The following GIMAP1 variants were observed in gnomAD, a reference collection of about 807,000 sequenced individuals.
GIMAP1 encodes GTPase, IMAP family member 1, also known as GTPase IMAP family member 1.
For synonymous variants in GIMAP1, 230 were observed against 187.7 expected (o/e 1.23, Z -1.84); for missense variants, 423 against 411.9 (o/e 1.03, Z -0.23).
At position 150,722,989 on chromosome 7, in the gene GIMAP1, C is replaced by A. The variant is rs370429154; in HGVS notation, c.*2064C>A. The A allele has an allele frequency of 1.3e-5, 2 of 152,164 alleles. No homozygotes were observed. The highest frequency in any genetic ancestry group is 4.8e-5 in the African/African-American group (2 of 41,410). The allele number at this position is 152,164 out of a possible 1,614,324, so 9.4% of individuals were successfully genotyped here. A position where few individuals can be genotyped will look rare whatever the true frequency, so the allele number is the denominator to read the frequency against. On this transcript the variant is annotated 3_prime_UTR_variant, in exon 3 of 3. Transcript: ENST00000307194. Reference sequence around the variant, plus strand: ...GTGTGGTCTGGAGCCCAATCCCCACCTCCAGAGTCTAGTCCTGCCTCCTAC... The same window carrying A: ...GTGTGGTCTGGAGCCCAATCCCCACATCCAGAGTCTAGTCCTGCCTCCTAC...
In GIMAP1 at chr7:150,721,162, A is replaced by T. The variant is rs1797298183; in HGVS notation, c.*237A>T. 2.5e-6 allele frequency: 1 copy of T among 401,032 alleles called. No individual in the cohort carries two copies. The highest frequency in any genetic ancestry group is 9.8e-5 in the South Asian group (1 of 10,232). 24.8% of individuals were successfully genotyped at this position (401,032 alleles called of 1,614,324 possible). A position where few individuals can be genotyped will look rare whatever the true frequency, so the allele number is the denominator to read the frequency against. On this transcript the variant is annotated 3_prime_UTR_variant, in exon 3 of 3. Coordinates refer to ENST00000307194, the MANE Select transcript of GIMAP1 (RefSeq NM_130759.4). ...AGTTTTAAAATAAATTCGTCTAACA[A>T]TAACTTCCTTTGGTAGTTTTGGTAG...
intron 1 of GIMAP1, among the ~76,000 whole-genome samples, chr7:150,716,892 C>T (rs976196503): frequency 2.6e-5 from 4 of 152,074 alleles, no homozygotes; most frequent in Non-Finnish European, 5.9e-5. Context: ...TCTTCTCCAG[C>T]TCTGGAGCAC....
At position 150,723,771 on chromosome 7, in the gene GIMAP1, T is replaced by G. The variant is rs756157267; in HGVS notation, c.*2846T>G. The G allele has an allele frequency of 6.6e-6, 1 of 152,168 alleles. No homozygotes were observed. The highest frequency in any genetic ancestry group is 1.5e-5 in the Non-Finnish European group (1 of 68,012). The allele number at this position is 152,168 out of a possible 1,614,324, so 9.4% of individuals were successfully genotyped here. A position where few individuals can be genotyped will look rare whatever the true frequency, so the allele number is the denominator to read the frequency against. ...CACAGTAAAAATACTGTCCAATACC[T>G]CAAAAATTGTGTAAATATATATCCA... On this transcript the variant is annotated 3_prime_UTR_variant, in exon 3 of 3. Coordinates refer to ENST00000307194, the MANE Select transcript of GIMAP1 (RefSeq NM_130759.4).
In GIMAP1 at chr7:150,723,850, G is replaced by A. The variant is rs563621038; in HGVS notation, c.*2925G>A. The A allele has an allele frequency of 3.3e-5, 5 of 152,228 alleles. No individual in the cohort carries two copies. Among genetic ancestry groups the A allele is most frequent in the East Asian group, 1.9e-4 (1 of 5,186 alleles). 9.4% of individuals were successfully genotyped at this position (152,228 alleles called of 1,614,324 possible). On this transcript the variant is annotated 3_prime_UTR_variant, in exon 3 of 3. Coordinates refer to ENST00000307194, the MANE Select transcript of GIMAP1 (RefSeq NM_130759.4). ...CTTTTATCTCTTGGAAGATAAAAAT[G>A]TATGGGTCCTGTGCTGATAATGTTT...
At chr7:150,718,021 G>T (rs1182273850) in intron 1 of GIMAP1, among the ~76,000 whole-genome samples, 7 of 152,126 alleles carry the variant, frequency 4.6e-5, no homozygotes, top group African/African-American at 1.7e-4. Context: ...GACACAACAA[G>T]TTTGACATGG....
Position 150,720,148 on chromosome 7 carries a change from G to A in GIMAP1, c.144G>A (p.Leu48=), listed in dbSNP as rs751279373. The A allele has an allele frequency of 3.2e-5, 52 of 1,614,004 alleles. No homozygotes were observed. The highest frequency in any genetic ancestry group is 1.6e-5 in the Non-Finnish European group (19 of 1,180,054). Reference sequence around the variant, plus strand: ...AGAGCGCCACTGGGAACAGCATCCTGGGCCAGAGACGGTTCTTCTCCAGGC... The same window carrying A: ...AGAGCGCCACTGGGAACAGCATCCTAGGCCAGAGACGGTTCTTCTCCAGGC... The part of the protein sequence containing the change: ...AGKSATGNSI[L]GQRRFFSRLG... The change falls in exon 3 of 3, where the codon CTG becomes CTA. Residue 48 remains leucine, a synonymous_variant. Coordinates refer to ENST00000307194, the MANE Select transcript of GIMAP1 (RefSeq NM_130759.4). This position sits in a 1 kb window ranked among gnomAD's most constrained non-coding sequence, Gnocchi z 4.5.
chr7:150,721,079 C>A lies in GIMAP1; in HGVS notation c.*154C>A. ...TTGCTGCATCACCTTTGCAACTTTG[C>A]CAAAGCTCAGAGTTCACTTTTTAAG... On this transcript the variant is annotated 3_prime_UTR_variant, in exon 3 of 3. Coordinates refer to ENST00000307194, the MANE Select transcript of GIMAP1 (RefSeq NM_130759.4). The A allele has an allele frequency of 1.6e-6, 1 of 636,092 alleles. No individual in the cohort carries two copies. The highest frequency in any genetic ancestry group is 3.1e-5 in the South Asian group (1 of 32,288). The allele number at this position is 636,092 out of a possible 1,614,324, so 39.4% of individuals were successfully genotyped here. A position where few individuals can be genotyped will look rare whatever the true frequency, so the allele number is the denominator to read the frequency against.
chr7:150,723,774 A>G lies in GIMAP1; in HGVS notation c.*2849A>G, dbSNP rs1367530331. On this transcript the variant is annotated 3_prime_UTR_variant, in exon 3 of 3. Transcript: ENST00000307194. ...AGTAAAAATACTGTCCAATACCTCA[A>G]AAATTGTGTAAATATATATCCATTT... 6.6e-6 allele frequency: 1 copy of G among 152,160 alleles called. No individual in the cohort carries two copies. The highest frequency in any genetic ancestry group is 1.5e-5 in the Non-Finnish European group (1 of 68,018). 9.4% of individuals were successfully genotyped at this position (152,160 alleles called of 1,614,324 possible).
intron 2 of GIMAP1, chr7:150,719,295 G>T (rs767254301): frequency 5.0e-6 from 3 of 605,208 alleles, no homozygotes; most frequent in Non-Finnish European, 8.6e-6. Flanking sequence ...CTGCTCCCTT[G>T]GTTCCACAGT....
Position 150,720,818 on chromosome 7 carries a change from A to T in GIMAP1, c.814A>T (p.Arg272Trp). ...ARLWKWLKSP[R>W]SWRLGLALLL... Reference sequence around the variant, plus strand: ...GCTGTGGAAGTGGCTGAAGTCCCCCAGGAGCTGGAGGCTGGGCCTGGCCCT... The same window carrying T: ...GCTGTGGAAGTGGCTGAAGTCCCCCTGGAGCTGGAGGCTGGGCCTGGCCCT... Residue 272 changes from arginine to tryptophan, a missense_variant, in exon 3 of 3, where the codon AGG becomes TGG. By Grantham distance (101) the Arg-to-Trp change is moderately radical. Coordinates refer to ENST00000307194, the MANE Select transcript of GIMAP1 (RefSeq NM_130759.4). The surrounding 1 kb of genome is among the most constrained non-coding windows in gnomAD (Gnocchi z 4.5). 6.3e-7 allele frequency: 1 copy of T among 1,599,882 alleles called. No homozygotes were observed. The highest frequency in any genetic ancestry group is 8.5e-7 in the Non-Finnish European group (1 of 1,174,902).
rs1347191277 is a variant in GIMAP1, at chr7:150,719,098, C to T, written c.43+8C>T. 6.2e-7 allele frequency: 1 copy of T among 1,614,092 alleles called. No individual in the cohort carries two copies. On this transcript the variant is annotated splice_region_variant and intron_variant, in intron 2 of 2. Coordinates refer to ENST00000307194, the MANE Select transcript of GIMAP1 (RefSeq NM_130759.4). ...ATGAAGAAAATGTCTATGGTAAGACCATATCTCTACACCTCATACTTGCCC... is the reference window on the plus strand; with the variant it reads ...ATGAAGAAAATGTCTATGGTAAGACTATATCTCTACACCTCATACTTGCCC...
chr7:150,718,997 G>A (rs748957241), intron 1 of GIMAP1, 45 bp from the exon 2 acceptor site: 57 of 1,610,774 alleles, frequency 3.5e-5, no homozygotes, highest in Non-Finnish European at 4.6e-5. Flanking sequence ...GCCTATTTGA[G>A]GAATAAATAA....
At position 150,720,422 on chromosome 7, in the gene GIMAP1, G is replaced by C; in HGVS notation, c.418G>C (p.Gly140Arg). ...GGTGAGGCAGGTGAGGGACATGTTC[G>C]GGGAGGACGTCCTAAAATGGATGGT... is the stretch of plus-strand genomic sequence containing the variant. ...QAVRQVRDMF[G>R]EDVLKWMVIV... Residue 140 changes from glycine to arginine, a missense_variant, in exon 3 of 3, where the codon GGG becomes CGG. Transcript: ENST00000307194. This position sits in a 1 kb window ranked among gnomAD's most constrained non-coding sequence, Gnocchi z 4.5. The C allele has an allele frequency of 6.3e-7, 1 of 1,578,832 alleles. No individual in the cohort carries two copies. Among genetic ancestry groups the C allele is most frequent in the Non-Finnish European group, 8.6e-7 (1 of 1,160,796 alleles).
chr7:150,721,128 T>G lies in GIMAP1; in HGVS notation c.*203T>G. 1 of 478,960 alleles carries G rather than the reference T, an allele frequency of 2.1e-6. No homozygotes were observed. The highest frequency in any genetic ancestry group is 3.4e-5 in the East Asian group (1 of 29,524). 29.7% of individuals were successfully genotyped at this position (478,960 alleles called of 1,614,324 possible). On this transcript the variant is annotated 3_prime_UTR_variant, in exon 3 of 3. Transcript: ENST00000307194. ...AGTTTTTAACTCATTTTAAATGATG[T>G]GTATGCAGAGTTTTAAAATAAATTC...
Position 150,722,816 on chromosome 7 carries a change from A to T in GIMAP1, c.*1891A>T, listed in dbSNP as rs1455273441. 2 of 152,242 alleles carry T rather than the reference A, an allele frequency of 1.3e-5. No individual in the cohort carries two copies. The highest frequency in any genetic ancestry group is 6.5e-5 in the Admixed American group (1 of 15,288). The allele number at this position is 152,242 out of a possible 1,614,324, so 9.4% of individuals were successfully genotyped here. A position where few individuals can be genotyped will look rare whatever the true frequency, so the allele number is the denominator to read the frequency against. Reference sequence around the variant, plus strand: ...GATTATGCCAAAATTTCTAGAAAAAAGGTCGTAACTTCCAGGTCGTGGGAT... The same window carrying T: ...GATTATGCCAAAATTTCTAGAAAAATGGTCGTAACTTCCAGGTCGTGGGAT... On this transcript the variant is annotated 3_prime_UTR_variant, in exon 3 of 3. Coordinates refer to ENST00000307194, the MANE Select transcript of GIMAP1 (RefSeq NM_130759.4).
rs1277367962 is a variant in GIMAP1, at chr7:150,720,036, T to C, written c.44-12T>C. 1.9e-6 allele frequency: 3 copies of C among 1,557,014 alleles called. No homozygotes were observed. Among genetic ancestry groups the C allele is most frequent in the Non-Finnish European group, 2.6e-6 (3 of 1,150,042 alleles). ...TTAAACTTAAGTAAGATTATAACAC[T>C]TGGTCTCACAGGTTTAGAAGAGAAC... On this transcript the variant is annotated splice_polypyrimidine_tract_variant and intron_variant, in intron 2 of 2. Coordinates refer to ENST00000307194, the MANE Select transcript of GIMAP1 (RefSeq NM_130759.4). This position sits in a 1 kb window ranked among gnomAD's most constrained non-coding sequence, Gnocchi z 4.5.
In GIMAP1 at chr7:150,720,113, G is replaced by A; in HGVS notation, c.109G>A (p.Gly37Arg). ...GAGGCTCATCCTTGTTGGGAGAACA[G>A]GGGCCGGGAAGAGCGCCACTGGGAA... Reference protein sequence around the residue: ...TRRLILVGRTGAGKSATGNSI... With the variant: ...TRRLILVGRTRAGKSATGNSI... Residue 37 changes from glycine to arginine, a missense_variant, in exon 3 of 3, where the codon GGG becomes AGG. Transcript: ENST00000307194. This position sits in a 1 kb window ranked among gnomAD's most constrained non-coding sequence, Gnocchi z 4.5. 1 of 1,613,930 alleles carries A rather than the reference G, an allele frequency of 6.2e-7. No homozygotes were observed. Among genetic ancestry groups the A allele is most frequent in the Non-Finnish European group, 8.5e-7 (1 of 1,180,022 alleles).
At position 150,722,017 on chromosome 7, in the gene GIMAP1, C is replaced by T. The variant is rs958814691; in HGVS notation, c.*1092C>T. 3 of 152,046 alleles carry T rather than the reference C, an allele frequency of 2.0e-5. No homozygotes were observed. Among genetic ancestry groups the T allele is most frequent in the Non-Finnish European group, 4.4e-5 (3 of 68,022 alleles). 9.4% of individuals were successfully genotyped at this position (152,046 alleles called of 1,614,324 possible). On this transcript the variant is annotated 3_prime_UTR_variant, in exon 3 of 3. Coordinates refer to ENST00000307194, the MANE Select transcript of GIMAP1 (RefSeq NM_130759.4). ...CACCTGAGCATCCTATGCTGTGAGG[C>T]GAAAGCATCCGGTTTTTTCGGGATG...
Position 150,720,078 on chromosome 7 carries a change from A to C in GIMAP1, c.74A>C (p.Glu25Ala). The change falls in exon 3 of 3, where the codon GAG becomes GCG. Residue 25 changes from glutamate (E) to alanine (A), a missense_variant. By Grantham distance (107) the Glu-to-Ala change is moderately radical. Transcript: ENST00000307194. This position sits in a 1 kb window ranked among gnomAD's most constrained non-coding sequence, Gnocchi z 4.5. ...GLEENAQSRQESTRRLILVGR... is the reference protein window; with the variant it reads ...GLEENAQSRQASTRRLILVGR... ...GAAGAGAACGCTCAGTCCCGGCAGG[A>C]GTCCACGCGGAGGCTCATCCTTGTT... The C allele has an allele frequency of 6.2e-7, 1 of 1,611,284 alleles. No individual in the cohort carries two copies. Among genetic ancestry groups the C allele is most frequent in the South Asian group, 1.1e-5 (1 of 90,828 alleles).
Sources: gnomAD v4.1 joint callset for allele counts (sites outside exome capture counted in the v4.1 genomes callset) on GRCh38, gnomAD v4.1.1 for gene constraint, Gnocchi (gnomAD v3.1) non-coding constraint, MANE v1.5 for transcripts, NCBI Gene and HGNC (gene_info 2026-07-23, HGNC 2026-07-21) for gene names.